Variants in ADGRL2 observed in about 807,000 individuals in gnomAD.
The protein encoded by ADGRL2 is calcium-independent alpha-latrotoxin receptor 2.
Under a neutral mutation model 157.4 loss-of-function variants are expected in ADGRL2, and 44 were observed. The ratio of observed to expected loss-of-function variants is 0.28; its 90% confidence interval spans 0.22 to 0.36. The LOEUF (loss-of-function observed/expected upper bound fraction) is 0.36, where lower values mean the gene tolerates loss of function less well. Ranked by LOEUF, ADGRL2 falls within the 10% of genes least tolerant of loss-of-function variation. The pLI, the probability that ADGRL2 is intolerant of heterozygous loss-of-function variation, is 1.00. For synonymous variants in ADGRL2, 585 were observed against 624.7 expected, an observed-to-expected ratio of 0.94 and a Z score of 0.95; for missense variants, 1,510 against 1,768.9, an observed-to-expected ratio of 0.85 and a Z score of 2.63.
chr1:81,737,390 T>G (rs1344666001), intron 1 of ADGRL2, among the ~76,000 whole-genome samples: 1 of 152,082 alleles, frequency 6.6e-6, no homozygotes, highest in East Asian at 1.9e-4. Context: ...AAGGGGGAAG[T>G]GCCACACACT....
At chr1:81,516,245 A>T in intron 2 of ADGRL2, among the ~76,000 whole-genome samples, 1 of 152,338 alleles carries the variant, frequency 6.6e-6, no homozygotes, top group Middle Eastern at 3.4e-3. Flanking sequence ...TATTTTTTCA[A>T]AATGACAATA....
At chr1:81,436,679 A>C (rs562097446) in intron 1 of ADGRL2, among the ~76,000 whole-genome samples, 2 of 152,330 alleles carry the variant, frequency 1.3e-5, no homozygotes, top group Admixed American at 1.3e-4. Context: ...CCATCCTTCC[A>C]CTTCTAGTTC....
At chr1:81,730,696 C>T (rs2084691754) in intron 1 of ADGRL2, among the ~76,000 whole-genome samples, 1 of 151,552 alleles carries the variant, frequency 6.6e-6, no homozygotes, top group Non-Finnish European at 1.5e-5. Flanking sequence ...GCACTCCAGC[C>T]TGGGCGGCAG....
intron 1 of ADGRL2, among the ~76,000 whole-genome samples, chr1:81,323,403 C>T (rs974993618): frequency 7.2e-6 from 1 of 139,000 alleles, no homozygotes; most frequent in African/African-American, 2.7e-5. Context: ...TTGTACTAGA[C>T]TAATTCAATT....
At chr1:81,426,795 G>A (rs1212978158) in intron 1 of ADGRL2, 3 of 481,494 alleles carry the variant, frequency 6.2e-6, no homozygotes, top group Non-Finnish European at 1.2e-5. Flanking sequence ...TTTCTAGAGA[G>A]GAGTCGATAA....
chr1:81,647,193 A>G (rs2082330515), intron 3 of ADGRL2, among the ~76,000 whole-genome samples: 1 of 152,216 alleles, frequency 6.6e-6, no homozygotes, highest in Non-Finnish European at 1.5e-5. Flanking sequence ...ATCCTTTGAC[A>G]GCATATCACA....
chr1:81,597,150 CCTTTG>C (rs1388104298), intron 3 of ADGRL2, among the ~76,000 whole-genome samples: 26 of 152,246 alleles, frequency 1.7e-4, no homozygotes, highest in African/African-American at 4.8e-4. Context: ...CTTCTCTAAT[CCTTTG>C]CCTTTGACAT....
At position 81,609,326 on chromosome 1, in the gene ADGRL2, C is replaced by A. The variant is rs569816422; in HGVS notation, c.-143+28346C>A. Among the ~76,000 whole-genome samples, 3 of 152,232 alleles carry A rather than the reference C, an allele frequency of 2.0e-5. No homozygotes were observed. The East Asian group carries it at 5.8e-4, about 29-fold the overall frequency. On this transcript the variant is annotated intron_variant, in intron 3 of 24. Transcript: ENST00000370721. ...AAGTGTCAGGATTACAGATGTGATC[C>A]ACCACACCTGGCTCATATACAAGTG... is the stretch of plus-strand genomic sequence containing the variant.
At chr1:81,892,626 C>T (rs1368680293) in intron 2 of ADGRL2, among the ~76,000 whole-genome samples, 1 of 152,078 alleles carries the variant, frequency 6.6e-6, no homozygotes, top group Non-Finnish European at 1.5e-5. Flanking sequence ...AACTGTCTTC[C>T]ATAAATGGCT....
intron 3 of ADGRL2, among the ~76,000 whole-genome samples, chr1:81,615,117 G>A (rs1355367572): frequency 1.1e-4 from 17 of 152,148 alleles, no homozygotes; most frequent in Non-Finnish European, 1.9e-4. Flanking sequence ...AGGTGAAGCC[G>A]GCTGGGCTTC....
chr1:81,492,859 A>T (rs2078661588), intron 2 of ADGRL2, among the ~76,000 whole-genome samples: 1 of 152,106 alleles, frequency 6.6e-6, no homozygotes, highest in Non-Finnish European at 1.5e-5. Flanking sequence ...TCCTTTCTGG[A>T]TTTCTTCTTC....
At chr1:81,694,305 C>T (rs541997292) in intron 3 of ADGRL2, among the ~76,000 whole-genome samples, 1 of 152,076 alleles carries the variant, frequency 6.6e-6, no homozygotes, top group Non-Finnish European at 1.5e-5. Flanking sequence ...TATTTGCTAG[C>T]AGTGTGATCT....
At chr1:81,320,033 C>A (rs1414955554) in intron 1 of ADGRL2, among the ~76,000 whole-genome samples, 1 of 152,222 alleles carries the variant, frequency 6.6e-6, no homozygotes, top group Non-Finnish European at 1.5e-5. Context: ...TCAAACCCTG[C>A]TGCTGCTTTA....
chr1:81,619,821 G>A (rs970000603), intron 3 of ADGRL2, among the ~76,000 whole-genome samples: 2 of 151,876 alleles, frequency 1.3e-5, no homozygotes, highest in Non-Finnish European at 2.9e-5. Flanking sequence ...ACTGTATGAA[G>A]TAATTAAGGA....
intron 1 of ADGRL2, among the ~76,000 whole-genome samples, chr1:81,715,861 G>C (rs997245736): frequency 6.6e-6 from 1 of 152,048 alleles, no homozygotes; most frequent in East Asian, 1.9e-4. Context: ...ATAATTAATA[G>C]CTGAGGTTTT....
intron 14 of ADGRL2, 93 bp downstream of exon 14, chr1:81,968,292 A>G (rs1657724033): frequency 9.3e-7 from 1 of 1,071,792 alleles, no homozygotes; most frequent in African/African-American, 1.6e-5. Context: ...TGCTTACCGT[A>G]ACTAAAAAGC....
intron 1 of ADGRL2, among the ~76,000 whole-genome samples, chr1:81,355,249 C>T (rs1282821055): frequency 6.6e-6 from 1 of 151,984 alleles, no homozygotes; most frequent in Non-Finnish European, 1.5e-5. Context: ...GTCCCAGCTA[C>T]TCGGGAGGCT....
chr1:81,323,971 G>C (rs767020941), intron 1 of ADGRL2, among the ~76,000 whole-genome samples: 2 of 152,202 alleles, frequency 1.3e-5, no homozygotes, highest in African/African-American at 2.4e-5. Flanking sequence ...TTGAAGCTAC[G>C]TTCAGGCTAG....
At chr1:81,913,490 C>G (rs1436897974) in intron 3 of ADGRL2, among the ~76,000 whole-genome samples, 2 of 152,140 alleles carry the variant, frequency 1.3e-5, no homozygotes, top group Non-Finnish European at 2.9e-5. Context: ...ACCATGACAC[C>G]TCCCATTCTT....
Sources: allele counts gnomAD v4.1 joint callset (sites outside exome capture counted in the v4.1 genomes callset), GRCh38; gene constraint gnomAD v4.1.1; transcripts MANE v1.5; gene names NCBI Gene and HGNC (gene_info 2026-07-23, HGNC 2026-07-21).